ZNF521: variants seen among roughly 807,000 people sequenced by gnomAD.
The protein encoded by ZNF521 is LYST-interacting protein 3.
A neutral mutation model predicts 105.5 loss-of-function variants in ZNF521; 14 were observed. The ratio of observed to expected loss-of-function variants is 0.13; its 90% CI spans 0.09 to 0.21. The LOEUF is 0.21. Among genes scored for constraint, ZNF521 ranks in the 10% least tolerant of loss-of-function variants. The pLI is 1.00. For missense variants in ZNF521, 1,233 were observed against 1,629.7 expected (o/e 0.76, Z 4.19); for synonymous variants, 635 against 606.0 (o/e 1.05, Z -0.70).
At chr18:25,204,477 T>A (rs564337652) in intron 4 of ZNF521, among the ~76,000 whole-genome samples, 2 of 152,162 alleles carry the variant, frequency 1.3e-5, no homozygotes, top group African/African-American at 4.8e-5. Flanking sequence ...GTCATTTCCA[T>A]GGATCATACC....
chr18:25,163,953 A>G (rs1038322807), intron 5 of ZNF521, among the ~76,000 whole-genome samples: 2 of 152,234 alleles, frequency 1.3e-5, no homozygotes, highest in African/African-American at 4.8e-5. Flanking sequence ...TGTGAGAAAG[A>G]CAGGGGCAGA....
At chr18:25,091,161 C>T (rs2033736680) in intron 6 of ZNF521, among the ~76,000 whole-genome samples, 1 of 152,190 alleles carries the variant, frequency 6.6e-6, no homozygotes, top group Admixed American at 6.5e-5. Context: ...ATTCTCCCTC[C>T]TCCAACAAAT....
chr18:25,203,888 G>A (rs909037749), intron 4 of ZNF521, among the ~76,000 whole-genome samples: 1 of 152,170 alleles, frequency 6.6e-6, no homozygotes, highest in South Asian at 2.1e-4. Flanking sequence ...GCTGAAAGTG[G>A]CCCCTGGTGG....
At chr18:25,253,036 T>C (rs1908226845) in intron 3 of ZNF521, among the ~76,000 whole-genome samples, 1 of 152,208 alleles carries the variant, frequency 6.6e-6, no homozygotes, top group Non-Finnish European at 1.5e-5. Flanking sequence ...ACAGGCACTT[T>C]TACAAATGGA....
chr18:25,331,740 A>T (rs982814322), intron 2 of ZNF521, among the ~76,000 whole-genome samples: 1 of 152,200 alleles, frequency 6.6e-6, no homozygotes, highest in African/African-American at 2.4e-5. Flanking sequence ...TTGGGGGGAA[A>T]GTGTTTTGTT....
At chr18:25,307,283 C>T (rs1298875178) in intron 3 of ZNF521, among the ~76,000 whole-genome samples, 1 of 152,130 alleles carries the variant, frequency 6.6e-6, no homozygotes, top group African/African-American at 2.4e-5. Flanking sequence ...TGTTCACTCC[C>T]CTGCATAAAA....
In ZNF521 at chr18:25,226,727, C is replaced by T. The variant is rs1249192453; in HGVS notation, c.1191G>A (p.Ser397=). Residue 397 remains serine (S), a synonymous_variant, in exon 4 of 8, where the codon TCG becomes TCA. Transcript: ENST00000361524. The surrounding 1 kb of genome is among the most constrained non-coding windows in gnomAD (Gnocchi z 4.1). ...AQQTPDMTGP[S]SKQAKVTYSC... ...TGTAGGTAACTTTTGCTTGTTTACT[C>T]GAGGGACCAGTCATGTCAGGGGTTT... is the stretch of plus-strand genomic sequence containing the variant. 3.7e-6 allele frequency: 6 copies of T among 1,613,958 alleles called. No individual in the cohort carries two copies. The highest frequency in any genetic ancestry group is 2.7e-5 in the African/African-American group (2 of 74,902).
chr18:25,200,255 G>C (rs138687848), intron 4 of ZNF521, among the ~76,000 whole-genome samples: 2 of 152,100 alleles, frequency 1.3e-5, no homozygotes, highest in South Asian at 2.1e-4. Flanking sequence ...AGTAACTTAC[G>C]AGAGCGAAGG....
intron 5 of ZNF521, among the ~76,000 whole-genome samples, chr18:25,186,917 A>G (rs1008342340): frequency 2.0e-5 from 3 of 148,940 alleles, no homozygotes; most frequent in Non-Finnish European, 3.0e-5. Flanking sequence ...AAAAAAAAAA[A>G]AAAAGAAAAA....
At chr18:25,231,356 A>C (rs928401569) in intron 3 of ZNF521, 1 of 152,314 alleles carries the variant, frequency 6.6e-6, no homozygotes, top group African/African-American at 2.4e-5. Flanking sequence ...CTCAGTTAGC[A>C]GCAGAGTAAC....
At chr18:25,120,602 ACC>A (rs1365562544) in intron 5 of ZNF521, among the ~76,000 whole-genome samples, 69 of 139,970 alleles carry the variant, frequency 4.9e-4, no homozygotes, top group East Asian at 1.8e-3. Context: ...AAAAAAAAAA[ACC>A]ACAAACAAAC....
Position 25,062,688 on chromosome 18 carries a change from TCTC to T in ZNF521, c.*21_*23del. 6.7e-7 allele frequency: 1 copy of T among 1,499,766 alleles called. No homozygotes were observed. Among genetic ancestry groups the T allele is most frequent in the Non-Finnish European group, 8.9e-7 (1 of 1,122,738 alleles). 92.9% of individuals were successfully genotyped at this position (1,499,766 alleles called of 1,614,324 possible). ...TCCCTTTTTGTGCCACAAAATCAAT[TCTC>T]CTTGAGAGACTGTACTTGCACTAAC... On this transcript the variant is annotated 3_prime_UTR_variant, in exon 8 of 8. Transcript: ENST00000361524.
At chr18:25,153,655 G>A (rs2035088833) in intron 5 of ZNF521, among the ~76,000 whole-genome samples, 3 of 152,110 alleles carry the variant, frequency 2.0e-5, no homozygotes. Flanking sequence ...GATGCTGTCA[G>A]GACCGAACTT....
At chr18:25,293,022 G>C (rs1036302019) in intron 3 of ZNF521, among the ~76,000 whole-genome samples, 1 of 152,038 alleles carries the variant, frequency 6.6e-6, no homozygotes, top group African/African-American at 2.4e-5. Context: ...TCACTTCTGG[G>C]TCCACTGCCC....
chr18:25,227,218 C>G lies in ZNF521; in HGVS notation c.700G>C (p.Gly234Arg). ...HERNKDGSQS[G>R]SRMEDWKMKD... ...ATCTTCCAGTCCTCCATCCTGGAAC[C>G]GGACTGAGAGCCGTCCTTGTTCCTC... Residue 234 changes from glycine to arginine, a missense_variant, in exon 4 of 8, where the codon GGT (glycine) becomes CGT (arginine). By Grantham distance (125) the Gly-to-Arg change is moderately radical. Around this residue, in one of 6 missense-constraint regions of ZNF521, gnomAD observed 380 missense variants for 478.0 expected, o/e 0.80. Transcript: ENST00000361524. This position sits in a 1 kb window ranked among gnomAD's most constrained non-coding sequence, Gnocchi z 5.7. The G allele has an allele frequency of 6.2e-7, 1 of 1,614,100 alleles. No individual in the cohort carries two copies. The highest frequency in any genetic ancestry group is 1.1e-5 in the South Asian group (1 of 91,076).
intron 5 of ZNF521, among the ~76,000 whole-genome samples, chr18:25,119,466 T>G (rs1007113706): frequency 6.6e-6 from 1 of 152,026 alleles, no homozygotes; most frequent in African/African-American, 2.4e-5. Context: ...TCACACAGAG[T>G]ATGCTCTCTA....
At chr18:25,255,855 C>T (rs569191896) in intron 3 of ZNF521, among the ~76,000 whole-genome samples, 19 of 151,680 alleles carry the variant, frequency 1.3e-4, no homozygotes, top group African/African-American at 4.4e-4. Context: ...TTCACTGCAG[C>T]ATAATTCAGA....
chr18:25,309,584 A>G (rs1346053464), intron 3 of ZNF521, among the ~76,000 whole-genome samples: 1 of 152,246 alleles, frequency 6.6e-6, no homozygotes, highest in Non-Finnish European at 1.5e-5. Context: ...ACCAGACCAT[A>G]CAGCCACAAG....
chr18:25,089,035 G>A (rs574034572), intron 7 of ZNF521, among the ~76,000 whole-genome samples: 2 of 152,284 alleles, frequency 1.3e-5, no homozygotes, highest in African/African-American at 2.4e-5. Flanking sequence ...ACAAGAGTAC[G>A]ATTTCTTTCT....
Sources: gnomAD v4.1 joint callset for allele counts (sites outside exome capture counted in the v4.1 genomes callset) on GRCh38, gnomAD v4.1.1 for gene constraint, gnomAD v4.1.1 regional missense constraint, Gnocchi (gnomAD v3.1) non-coding constraint, MANE v1.5 for transcripts, NCBI Gene and HGNC (gene_info 2026-07-23, HGNC 2026-07-21) for gene names.